RASIP1: variants seen among roughly 807,000 people sequenced by gnomAD.
RASIP1 encodes ras-interacting protein 1.
RASIP1 carries 20 observed loss-of-function variants against 85.3 expected under a neutral mutation model. That is an observed-to-expected ratio of 0.23 (90% confidence interval 0.17 to 0.34). The LOEUF (loss-of-function observed/expected upper bound fraction) is 0.34. Among genes scored for constraint, RASIP1 ranks in the 10% least tolerant of loss-of-function variants. The pLI, the probability that RASIP1 is intolerant of heterozygous loss-of-function variation, is 1.00. For synonymous variants in RASIP1, 617 were observed against 647.1 expected (o/e 0.95, Z 0.71); for missense variants, 1,170 against 1,390.9 (o/e 0.84, Z 2.53).
Position 48,738,997 on chromosome 19 carries a change from G to A in RASIP1, c.786C>T (p.Arg262=). Residue 262 remains arginine, a synonymous_variant, in exon 3 of 12, where the codon CGC becomes CGT. Transcript: ENST00000222145. The surrounding 1 kb of genome is among the most constrained non-coding windows in gnomAD (Gnocchi z 4.0). ...CGGCCCCGAAGGCCTCCTGCTCCAGGCGCCGCGCCTCCTCGCGGCCGCGCA... is the reference window on the plus strand; with the variant it reads ...CGGCCCCGAAGGCCTCCTGCTCCAGACGCCGCGCCTCCTCGCGGCCGCGCA... ...FELRGREEAR[R]LEQEAFGAAD... 2.4e-6 allele frequency: 3 copies of A among 1,243,084 alleles called. No homozygotes were observed. Among genetic ancestry groups the A allele is most frequent in the Non-Finnish European group, 3.0e-6 (3 of 997,446 alleles). The allele number at this position is 1,243,084 out of a possible 1,614,324, so 77.0% of individuals were successfully genotyped here. A position where few individuals can be genotyped will look rare whatever the true frequency, so the allele number is the denominator to read the frequency against.
At position 48,738,953 on chromosome 19, in the gene RASIP1, C is replaced by G. The variant is rs1441469308; in HGVS notation, c.823+7G>C. 1.6e-6 allele frequency: 2 copies of G among 1,213,648 alleles called. No homozygotes were observed. The highest frequency in any genetic ancestry group is 2.0e-6 in the Non-Finnish European group (2 of 977,008). The allele number at this position is 1,213,648 out of a possible 1,614,324, so 75.2% of individuals were successfully genotyped here. On this transcript the variant is annotated splice_region_variant and intron_variant, in intron 3 of 11. Transcript: ENST00000222145. This position sits in a 1 kb window ranked among gnomAD's most constrained non-coding sequence, Gnocchi z 4.0. ...GTCCCCGCCCCAGAGCCCCGCCCGC[C>G]GCTCACCTTCGCTGTCCGCGGCCCC...
rs77294797 is a variant in RASIP1, at chr19:48,720,684, A to G, written c.*114T>C. On this transcript the variant is annotated 3_prime_UTR_variant, in exon 12 of 12. Coordinates refer to ENST00000222145, the MANE Select transcript of RASIP1 (RefSeq NM_017805.3). ...TACTTCCCGAAAACTCAATCTCCCA[A>G]CATTCCACGCGGGATAAGAACTACA... 2.8e-3 allele frequency: 3,425 copies of G among 1,223,904 alleles called. 93 individuals carry two copies. The African/African-American group carries it at 0.047, about 17-fold the overall frequency. The allele number at this position is 1,223,904 out of a possible 1,614,324, so 75.8% of individuals were successfully genotyped here.
At chr19:48,723,191 TA>T (rs1256744526) in intron 10 of RASIP1, among the ~76,000 whole-genome samples, 2 of 152,190 alleles carry the variant, frequency 1.3e-5, no homozygotes, top group Non-Finnish European at 2.9e-5. Flanking sequence ...CAGCCCATTA[TA>T]AACATTTGAT....
intron 4 of RASIP1, among the ~76,000 whole-genome samples, chr19:48,731,066 G>A (rs1265477527): frequency 6.6e-6 from 1 of 151,964 alleles, no homozygotes; most frequent in African/African-American, 2.4e-5. Flanking sequence ...CCTGAGGTAG[G>A]GAGTTCGAGA....
intron 4 of RASIP1, among the ~76,000 whole-genome samples, chr19:48,730,699 A>G (rs2033440016): frequency 1.3e-5 from 2 of 152,032 alleles, no homozygotes; most frequent in African/African-American, 2.4e-5. Flanking sequence ...GTTTTTCTCA[A>G]TATTCCTCAA....
At chr19:48,730,150 C>A (rs996226332) in intron 4 of RASIP1, among the ~76,000 whole-genome samples, 1 of 151,502 alleles carries the variant, frequency 6.6e-6, no homozygotes, top group South Asian at 2.1e-4. Flanking sequence ...TCCCGAAGAC[C>A]GGCTATGTAC....
chr19:48,724,448 G>A lies in RASIP1; in HGVS notation c.2433C>T (p.Leu811=), dbSNP rs921776726. The A allele has an allele frequency of 1.2e-5, 20 of 1,614,042 alleles. No homozygotes were observed. Among genetic ancestry groups the A allele is most frequent in the Middle Eastern group, 1.6e-4 (1 of 6,084 alleles). Residue 811 remains leucine (L), a synonymous_variant, in exon 10 of 12, where the codon CTC becomes CTT. Coordinates refer to ENST00000222145, the MANE Select transcript of RASIP1 (RefSeq NM_017805.3). This position sits in a 1 kb window ranked among gnomAD's most constrained non-coding sequence, Gnocchi z 4.6. ...RAVQIRTNLD[L]VLDWLQGAGL... ...CAGCTCCCTGTAGCCAGTCCAAGACGAGGTCCAGGTTGGTTCGGATTTGAA... is the reference window on the plus strand; with the variant it reads ...CAGCTCCCTGTAGCCAGTCCAAGACAAGGTCCAGGTTGGTTCGGATTTGAA...
chr19:48,720,774 C>G lies in RASIP1; in HGVS notation c.*24G>C. On this transcript the variant is annotated 3_prime_UTR_variant, in exon 12 of 12. Coordinates refer to ENST00000222145, the MANE Select transcript of RASIP1 (RefSeq NM_017805.3). Reference sequence around the variant, plus strand: ...TAGAAGCCCGTGACATTTCAAGGTTCGCGCGCTCGTTTGGTATTGGTTCTC... The same window carrying G: ...TAGAAGCCCGTGACATTTCAAGGTTGGCGCGCTCGTTTGGTATTGGTTCTC... 2 of 1,611,304 alleles carry G rather than the reference C, an allele frequency of 1.2e-6. No individual in the cohort carries two copies. The highest frequency in any genetic ancestry group is 1.7e-6 in the Non-Finnish European group (2 of 1,177,744).
intron 4 of RASIP1, among the ~76,000 whole-genome samples, chr19:48,732,401 G>A (rs911820275): frequency 1.3e-5 from 2 of 151,756 alleles, no homozygotes; most frequent in East Asian, 3.9e-4. Flanking sequence ...GACTACACGT[G>A]CCCGCCACCA....
In RASIP1 at chr19:48,730,128, C is replaced by T. The variant is rs367879123; in HGVS notation, c.1180-538G>A. Among the ~76,000 whole-genome samples the T allele has an allele frequency of 2.3e-4, 35 of 151,996 alleles. 2 individuals are homozygous for T. In the South Asian group the frequency reaches 6.9e-3, roughly 30 times the overall value. ...CAGGCACTTTGTATGGTGGATGGTCCCATAACACCCATCCCGAAGACCGGC... is the reference window on the plus strand; with the variant it reads ...CAGGCACTTTGTATGGTGGATGGTCTCATAACACCCATCCCGAAGACCGGC... On this transcript the variant is annotated intron_variant, in intron 4 of 11. Transcript: ENST00000222145.
chr19:48,735,526 T>C lies in RASIP1; in HGVS notation c.849A>G (p.Pro283=), dbSNP rs1568482309. ...ACGCCGCCCGGGAGCGGTTCTTCTG[T>C]GGCCGCCACGAAGGGGCGCCGGTGC... ...SEGTGAPSWR[P]QKNRSRAASG... Residue 283 remains proline (P), a synonymous_variant, in exon 4 of 12, where the codon CCA becomes CCG. Coordinates refer to ENST00000222145, the MANE Select transcript of RASIP1 (RefSeq NM_017805.3). 1 of 1,542,290 alleles carries C rather than the reference T, an allele frequency of 6.5e-7. No homozygotes were observed. Among genetic ancestry groups the C allele is most frequent in the Non-Finnish European group, 8.8e-7 (1 of 1,142,294 alleles).
At position 48,729,404 on chromosome 19, in the gene RASIP1, C is replaced by A; in HGVS notation, c.1366G>T (p.Ala456Ser). The A allele has an allele frequency of 6.4e-7, 1 of 1,555,368 alleles. No homozygotes were observed. The highest frequency in any genetic ancestry group is 8.7e-7 in the Non-Finnish European group (1 of 1,149,870). ...HPAMVRPSRG[A>S]PVTHNGCLLL... The stretch of plus-strand genomic sequence containing the variant: ...AGGCACCCGTTGTGCGTGACTGGGG[C>A]GCCCCGGGACGGGCGCACCATGGCC... Residue 456 changes from alanine to serine, a missense_variant, in exon 5 of 12, where the codon GCC (alanine) becomes TCC (serine). Coordinates refer to ENST00000222145, the MANE Select transcript of RASIP1 (RefSeq NM_017805.3).
Position 48,740,463 on chromosome 19 carries a change from G to T in RASIP1, c.-5+58C>A. ...GTCCTGGGATGGAAGATGGCTGGGG[G>T]ACTGAGTCTTGGGGCCCAGGGAGGA... On this transcript the variant is annotated intron_variant, in intron 1 of 11. Transcript: ENST00000222145. The surrounding 1 kb of genome is among the most constrained non-coding windows in gnomAD (Gnocchi z 5.5). The T allele has an allele frequency of 7.2e-7, 1 of 1,397,182 alleles. No individual in the cohort carries two copies. The highest frequency in any genetic ancestry group is 1.6e-5 in the South Asian group (1 of 61,588). 86.5% of individuals were successfully genotyped at this position (1,397,182 alleles called of 1,614,324 possible).
At chr19:48,735,171 C>A in intron 4 of RASIP1, 25 bp downstream of exon 4, 1 of 1,577,076 alleles carries the variant, frequency 6.3e-7, no homozygotes, top group South Asian at 1.2e-5. Context: ...GGGCTCTGGG[C>A]GTGCGGGGCT....
intron 11 of RASIP1, among the ~76,000 whole-genome samples, chr19:48,721,398 C>T (rs2033237494): frequency 6.6e-6 from 1 of 151,928 alleles, no homozygotes; most frequent in African/African-American, 2.4e-5. Context: ...GGCTTGAACT[C>T]CTGTATCTTG....
In RASIP1 at chr19:48,729,518, C is replaced by A; in HGVS notation, c.1252G>T (p.Gly418Trp). ...GRGGNSSGRGGSPAPYVDTFL... is the reference protein window; with the variant it reads ...GRGGNSSGRGWSPAPYVDTFL... ...GTGTCCACATAGGGAGCCGGGGACC[C>A]CCCGCGGCCAGACGAGTTCCCACCT... Residue 418 changes from glycine (G) to tryptophan (W), a missense_variant, in exon 5 of 12, where the codon GGG becomes TGG. Gly to Trp is a radical substitution (Grantham distance 184). Transcript: ENST00000222145. The A allele has an allele frequency of 6.3e-7, 1 of 1,598,744 alleles. No individual in the cohort carries two copies. Among genetic ancestry groups the A allele is most frequent in the Non-Finnish European group, 8.5e-7 (1 of 1,173,246 alleles).
In RASIP1 at chr19:48,729,326, G is replaced by C. The variant is rs1172416469; in HGVS notation, c.1444C>G (p.His482Asp). 25 of 1,559,846 alleles carry C rather than the reference G, an allele frequency of 1.6e-5. No homozygotes were observed. The highest frequency in any genetic ancestry group is 1.9e-5 in the Non-Finnish European group (22 of 1,152,810). ...GGGTCCTTGTACATGAACAGGAAGT[G>C]CTCGCCCAGCCCCAGGAGGTCGCCC... ...HPGDLLGLGE[H>D]FLFMYKDPRT... Residue 482 changes from histidine to aspartate, a missense_variant, in exon 5 of 12, where the codon CAC (histidine) becomes GAC (aspartate). By Grantham distance (81) the His-to-Asp change is moderately conservative (BLOSUM62 -1). Transcript: ENST00000222145.
At position 48,721,845 on chromosome 19, in the gene RASIP1, G is replaced by C; in HGVS notation, c.2692+9C>G. ...GACAGCCCCAATGCTGTATCCCATT[G>C]CTCCTCACCTGTGTCCACAGCCTCC... On this transcript the variant is annotated intron_variant, in intron 11 of 11. Transcript: ENST00000222145. 6.2e-7 allele frequency: 1 copy of C among 1,602,232 alleles called. No individual in the cohort carries two copies. Among genetic ancestry groups the C allele is most frequent in the Non-Finnish European group, 8.5e-7 (1 of 1,175,304 alleles).
Position 48,724,366 on chromosome 19 carries a change from G to A in RASIP1, c.2515C>T (p.Leu839Phe). ...FRKLSMAVNL[L>F]CVPRTSLLKA... is the part of the protein sequence containing the mutation. Reference sequence around the variant, plus strand: ...AGCAGGGAAGTGCGGGGCACACAGAGCAGGTTCACAGCCATGGAGAGTTTC... The same window carrying A: ...AGCAGGGAAGTGCGGGGCACACAGAACAGGTTCACAGCCATGGAGAGTTTC... The change falls in exon 10 of 12, where the codon CTC becomes TTC. Residue 839 changes from leucine to phenylalanine, a missense_variant. Physicochemically the swap from Leu to Phe is conservative, Grantham distance 22. Coordinates refer to ENST00000222145, the MANE Select transcript of RASIP1 (RefSeq NM_017805.3). This position sits in a 1 kb window ranked among gnomAD's most constrained non-coding sequence, Gnocchi z 4.6. The A allele has an allele frequency of 6.2e-7, 1 of 1,614,174 alleles. No homozygotes were observed. Among genetic ancestry groups the A allele is most frequent in the Non-Finnish European group, 8.5e-7 (1 of 1,180,028 alleles).
Sources: gnomAD v4.1 joint callset for allele counts (sites outside exome capture counted in the v4.1 genomes callset) on GRCh38, gnomAD v4.1.1 for gene constraint, Gnocchi (gnomAD v3.1) non-coding constraint, MANE v1.5 for transcripts, NCBI Gene and HGNC (gene_info 2026-07-23, HGNC 2026-07-21) for gene names.